The following LIPG variants were observed in gnomAD, a reference collection of about 807,000 sequenced individuals.
The protein encoded by LIPG is endothelial lipase.
In LIPG, 34 loss-of-function variants were observed where a neutral mutation model predicts 51.8. That is an observed-to-expected ratio of 0.66 (90% CI 0.50 to 0.87). The LOEUF (loss-of-function observed/expected upper bound fraction) is 0.87. Among genes scored for constraint, LIPG ranks in the 40% least tolerant of loss-of-function variants. The pLI, the probability that LIPG is intolerant of heterozygous loss-of-function variation, is 0.00. For synonymous variants in LIPG, 246 were observed against 246.1 expected, an observed-to-expected ratio of 1.00 and a Z score of 0.00; for missense variants, 580 against 652.7, an observed-to-expected ratio of 0.89 and a Z score of 1.21.
At chr18:49,584,286 T>C (rs2084859893) in intron 8 of LIPG, among the ~76,000 whole-genome samples, 1 of 152,208 alleles carries the variant, frequency 6.6e-6, no homozygotes, top group African/African-American at 2.4e-5. Context: ...GTCAAGGATG[T>C]GGGGCTGTGG....
At chr18:49,575,653 C>T in intron 5 of LIPG, 63 bp downstream of exon 5, 1 of 1,392,852 alleles carries the variant, frequency 7.2e-7, no homozygotes, top group Non-Finnish European at 1.0e-6. Flanking sequence ...CTAAATCAGC[C>T]AGAGCCTTTA....
chr18:49,586,623 T>A, intron 8 of LIPG, 123 bp from the exon 9 acceptor site: 2 of 733,248 alleles, frequency 2.7e-6, no homozygotes, highest in East Asian at 5.2e-5. Flanking sequence ...TGAAGGCTTT[T>A]GAGTCGGGGC....
intron 8 of LIPG, among the ~76,000 whole-genome samples, chr18:49,586,539 C>G (rs563628103): frequency 4.6e-5 from 7 of 152,250 alleles, no homozygotes; most frequent in African/African-American, 1.7e-4. Context: ...CTGGCAGAGG[C>G]TGCATGAGGC....
rs192109015 is a variant in LIPG at position 49,563,464 on chromosome 18, A to G, written c.97+1059A>G. Reference sequence around the variant, plus strand: ...ACTGCATACCTACTTAGTGTCAGACACTATTCTGGGAGCAGGGGAGAGAGC... The same window carrying G: ...ACTGCATACCTACTTAGTGTCAGACGCTATTCTGGGAGCAGGGGAGAGAGC... On this transcript the variant is annotated intron_variant, in intron 1 of 9. Transcript: ENST00000261292. Among the ~76,000 whole-genome samples, 6 of 152,194 alleles carry G rather than the reference A, an allele frequency of 3.9e-5. No individual in the cohort carries two copies. The East Asian group carries it at 1.2e-3, about 29-fold the overall frequency.
Position 49,582,352 on chromosome 18 carries a change from G to C in LIPG, c.1037-10G>C. 2 of 1,614,154 alleles carry C rather than the reference G, an allele frequency of 1.2e-6. No homozygotes were observed. Among genetic ancestry groups the C allele is most frequent in the African/African-American group, 1.3e-5 (1 of 75,058 alleles). On this transcript the variant is annotated splice_polypyrimidine_tract_variant and intron_variant, in intron 6 of 9. Coordinates refer to ENST00000261292, the MANE Select transcript of LIPG (RefSeq NM_006033.4). ...GGGTTACAAGCATCTTTGTTCTGCT[G>C]TCACTGCAGTTTACCATTATCAGAT...
At chr18:49,588,034 C>G (rs766829631) in intron 9 of LIPG, among the ~76,000 whole-genome samples, 2 of 152,148 alleles carry the variant, frequency 1.3e-5, no homozygotes, top group African/African-American at 2.4e-5. Flanking sequence ...AAGTGATCCG[C>G]CTGCCTTGGC....
At chr18:49,573,354 G>C (rs2084683138) in intron 4 of LIPG, among the ~76,000 whole-genome samples, 1 of 152,130 alleles carries the variant, frequency 6.6e-6, no homozygotes, top group Non-Finnish European at 1.5e-5. Context: ...TCTTTCTTTT[G>C]GGTCCTGGGC....
In LIPG at chr18:49,594,770, T is replaced by C. The variant is rs2084972901; in HGVS notation, c.*4248T>C. On this transcript the variant is annotated 3_prime_UTR_variant, in exon 10 of 10. Transcript: ENST00000261292. ...GATGGTGGAAACTCCACTGTCCATC[T>C]CTACCAGGACATTCTGAAACCAGGC... The C allele has an allele frequency of 6.6e-6, 1 of 152,372 alleles. No homozygotes were observed. Among genetic ancestry groups the C allele is most frequent in the South Asian group, 2.1e-4 (1 of 4,830 alleles). 9.4% of individuals were successfully genotyped at this position (152,372 alleles called of 1,614,324 possible).
At chr18:49,578,244 G>C (rs1322357674) in intron 5 of LIPG, among the ~76,000 whole-genome samples, 18 of 147,424 alleles carry the variant, frequency 1.2e-4, no homozygotes. Context: ...CTGCCGGGCG[G>C]AGGGGCTCCT....
intron 3 of LIPG, among the ~76,000 whole-genome samples, chr18:49,568,018 C>A (rs1352400896): frequency 1.3e-5 from 2 of 152,026 alleles, no homozygotes; most frequent in African/African-American, 2.4e-5. Context: ...GGGGTTATTT[C>A]AAAAATGCAG....
intron 4 of LIPG, among the ~76,000 whole-genome samples, chr18:49,570,787 C>T (rs1455700408): frequency 2.6e-5 from 4 of 152,160 alleles, no homozygotes; most frequent in Non-Finnish European, 4.4e-5. Flanking sequence ...CGAGATTGTG[C>T]CACTGCACTC....
chr18:49,590,038 A>G (rs2143983457), intron 9 of LIPG: 1 of 289,426 alleles, frequency 3.5e-6, no homozygotes, highest in South Asian at 3.7e-5. Flanking sequence ...GTGTGTTCAC[A>G]TAGCTGAGAC....
At chr18:49,570,692 G>A (rs1030282020) in intron 4 of LIPG, among the ~76,000 whole-genome samples, 10 of 152,172 alleles carry the variant, frequency 6.6e-5, no homozygotes, top group African/African-American at 2.4e-4. Flanking sequence ...AGCCAGCTGT[G>A]GTGGCGGGTG....
At chr18:49,570,223 C>A (rs2084648926) in intron 4 of LIPG, among the ~76,000 whole-genome samples, 1 of 152,166 alleles carries the variant, frequency 6.6e-6, no homozygotes, top group African/African-American at 2.4e-5. Context: ...AGGGGGTCAA[C>A]AGAAAATTGA....
chr18:49,586,217 A>G (rs1227662260), intron 8 of LIPG, among the ~76,000 whole-genome samples: 1 of 152,244 alleles, frequency 6.6e-6, no homozygotes, highest in African/African-American at 2.4e-5. Context: ...GGATATTTAC[A>G]GAGCACTGGA....
chr18:49,594,096 G>C lies in LIPG; in HGVS notation c.*3574G>C, dbSNP rs2084967461. ...TAGGACACTAGAATTTATTCCTCCT[G>C]TCTAGCTGTAATCTTGTTTGTTTCG... On this transcript the variant is annotated 3_prime_UTR_variant, in exon 10 of 10. Coordinates refer to ENST00000261292, the MANE Select transcript of LIPG (RefSeq NM_006033.4). 6.6e-6 allele frequency: 1 copy of C among 151,858 alleles called. No individual in the cohort carries two copies. Among genetic ancestry groups the C allele is most frequent in the Admixed American group, 6.6e-5 (1 of 15,242 alleles). 9.4% of individuals were successfully genotyped at this position (151,858 alleles called of 1,614,324 possible). A position where few individuals can be genotyped will look rare whatever the true frequency, so the allele number is the denominator to read the frequency against.
chr18:49,578,873 G>C (rs1287298411), intron 5 of LIPG, among the ~76,000 whole-genome samples: 1 of 134,586 alleles, frequency 7.4e-6, no homozygotes, highest in East Asian at 2.0e-4. Flanking sequence ...CCAGTCAGGC[G>C]TGGTGGCGCG....
At chr18:49,571,368 TG>T (rs1230333874) in intron 4 of LIPG, among the ~76,000 whole-genome samples, 1 of 152,340 alleles carries the variant, frequency 6.6e-6, no homozygotes, top group Admixed American at 6.5e-5. Flanking sequence ...TGAAATGAGA[TG>T]GGGCTAGGGA....
chr18:49,582,131 T>C (rs918005639), intron 6 of LIPG, among the ~76,000 whole-genome samples: 4 of 152,156 alleles, frequency 2.6e-5, no homozygotes, highest in Non-Finnish European at 5.9e-5. Context: ...AGTTAGAAAG[T>C]AGCTAAGTGA....
Sources: allele counts gnomAD v4.1 joint callset (sites outside exome capture counted in the v4.1 genomes callset), GRCh38; gene constraint gnomAD v4.1.1; transcripts MANE v1.5; gene names NCBI Gene and HGNC (gene_info 2026-07-23, HGNC 2026-07-21).